MKNK1: variants seen among roughly 807,000 people sequenced by gnomAD.
MKNK1 encodes MAPK interacting serine/threonine kinase 1, also known as MAP kinase-interacting serine/threonine-protein kinase 1.
MKNK1 carries 30 observed loss-of-function variants against 49.3 expected under a neutral mutation model. The observed-to-expected ratio is 0.61, with a 90% CI of 0.46 to 0.83. MKNK1 has a LOEUF of 0.83. MKNK1 is among the 40% of genes least tolerant of loss of function. The pLI is 0.00. For missense variants in MKNK1, 423 were observed against 524.7 expected, an observed-to-expected ratio of 0.81 and a Z score of 1.89; for synonymous variants, 176 against 201.7, an observed-to-expected ratio of 0.87 and a Z score of 1.08.
chr1:46,574,669 C>A (rs1038944721), intron 6 of MKNK1: 26 of 360,638 alleles, frequency 7.2e-5, no homozygotes, highest in South Asian at 1.1e-4. Context: ...CATGTCAAAA[C>A]GGGATTGATA....
intron 1 of MKNK1, among the ~76,000 whole-genome samples, chr1:46,596,965 C>T (rs1196369056): frequency 6.6e-6 from 1 of 152,186 alleles, no homozygotes; most frequent in Non-Finnish European, 1.5e-5. Context: ...CTTCTGGCAC[C>T]ATTTAAAATT....
intron 4 of MKNK1, among the ~76,000 whole-genome samples, chr1:46,579,313 T>C (rs1671427758): frequency 1.3e-5 from 2 of 152,220 alleles, no homozygotes; most frequent in African/African-American, 4.8e-5. Context: ...TTTGACCTGG[T>C]GGCTCAGGTG....
intron 5 of MKNK1, 138 bp downstream of exon 5, chr1:46,576,437 A>G (rs1670968642): frequency 3.0e-6 from 2 of 672,412 alleles, no homozygotes; most frequent in South Asian, 1.7e-5. Context: ...TAACACTGAA[A>G]GGGGCGGAAG....
At chr1:46,594,589 T>G (rs767160351) in intron 1 of MKNK1, among the ~76,000 whole-genome samples, 3 of 152,174 alleles carry the variant, frequency 2.0e-5, no homozygotes, top group African/African-American at 7.2e-5. Flanking sequence ...AAGGTCTGAG[T>G]GAAATTTTTC....
Position 46,589,996 on chromosome 1 carries a change from CCT to C in MKNK1, c.-3+4115_-3+4116del, listed in dbSNP as rs79070160. 0.043 allele frequency among the ~76,000 whole-genome samples: 6,595 copies of C among 152,182 alleles called. 187 individuals are homozygous for C. Among genetic ancestry groups the C allele is most frequent in the African/African-American group, 0.086 (3,556 of 41,498 alleles). On this transcript the variant is annotated intron_variant, in intron 2 of 12. Coordinates refer to ENST00000371945, the MANE Select transcript of MKNK1 (RefSeq NM_001135553.4). The surrounding 1 kb of genome is among the most constrained non-coding windows in gnomAD (Gnocchi z 4.3). ...CAGCTCTGCAAACTTAGCTCACACT[CCT>C]CTCCCAACCACTTCAGAATTCTTTT...
At chr1:46,561,350 T>G in intron 11 of MKNK1, 128 bp downstream of exon 11, 1 of 1,044,586 alleles carries the variant, frequency 9.6e-7, no homozygotes, top group Non-Finnish European at 1.3e-6. Context: ...CACTCAGGGA[T>G]AGACGCTGTC....
rs765358154 is a variant in MKNK1, at chr1:46,583,328, C to A, written c.-1G>T. The A allele has an allele frequency of 6.2e-7, 1 of 1,611,786 alleles. No individual in the cohort carries two copies. The highest frequency in any genetic ancestry group is 8.5e-7 in the Non-Finnish European group (1 of 1,178,390). On this transcript the variant is annotated splice_region_variant and 5_prime_UTR_variant, in exon 3 of 13. Coordinates refer to ENST00000371945, the MANE Select transcript of MKNK1 (RefSeq NM_001135553.4). ...TGGGAAGGGGTTCGCTACTGCCCAT[C>A]TCTAGGAGATAAGAGGAGATGTAAG...
chr1:46,583,574 C>T (rs138518471), intron 2 of MKNK1, among the ~76,000 whole-genome samples: 108 of 152,314 alleles, frequency 7.1e-4, no homozygotes, highest in African/African-American at 2.4e-3. Context: ...AAGAGGCCAG[C>T]GGAAGCCTGC....
At chr1:46,578,502 T>G (rs1206919254) in intron 4 of MKNK1, among the ~76,000 whole-genome samples, 1 of 152,104 alleles carries the variant, frequency 6.6e-6, no homozygotes, top group African/African-American at 2.4e-5. Flanking sequence ...CTTGAAGAAA[T>G]ATACCTCTCA....
chr1:46,560,406 T>C, intron 11 of MKNK1, 129 bp from the exon 12 acceptor site: 5 of 983,616 alleles, frequency 5.1e-6, no homozygotes, highest in Admixed American at 2.0e-5. Flanking sequence ...CTATGCTTGC[T>C]TGCAGGGTCA....
At chr1:46,575,378 G>A (rs1045071656) in intron 5 of MKNK1, 20 of 181,532 alleles carry the variant, frequency 1.1e-4, no homozygotes, top group South Asian at 2.7e-4. Flanking sequence ...CTGAATACTA[G>A]GTGTGTGTCC....
chr1:46,577,070 G>A (rs913637751), intron 4 of MKNK1, among the ~76,000 whole-genome samples: 1 of 152,212 alleles, frequency 6.6e-6, no homozygotes, highest in Non-Finnish European at 1.5e-5. Flanking sequence ...GCAGGACACC[G>A]TGGCGAGGAG....
At chr1:46,588,429 G>T (rs960419659) in intron 2 of MKNK1, among the ~76,000 whole-genome samples, 2 of 152,214 alleles carry the variant, frequency 1.3e-5, no homozygotes, top group Admixed American at 6.5e-5. Context: ...AGTGATGAAA[G>T]AAACATTTTA....
At chr1:46,562,148 C>CA (rs764981451) in intron 10 of MKNK1, among the ~76,000 whole-genome samples, 1 of 152,118 alleles carries the variant, frequency 6.6e-6, no homozygotes, top group Non-Finnish European at 1.5e-5. Flanking sequence ...GTAATCCCAG[C>CA]ACTTTGGGAG....
intron 4 of MKNK1, among the ~76,000 whole-genome samples, chr1:46,579,854 G>C (rs1271006211): frequency 6.6e-6 from 1 of 151,870 alleles, no homozygotes; most frequent in Non-Finnish European, 1.5e-5. Context: ...CCAAAACTGA[G>C]TGCTCAGTCG....
At chr1:46,601,091 AT>A (rs1296998830) in intron 1 of MKNK1, among the ~76,000 whole-genome samples, 1 of 152,088 alleles carries the variant, frequency 6.6e-6, no homozygotes, top group African/African-American at 2.4e-5. Flanking sequence ...TAATTTTTGT[AT>A]TTTTAGTAGA....
intron 1 of MKNK1, among the ~76,000 whole-genome samples, chr1:46,602,108 A>G (rs1674805096): frequency 6.6e-6 from 1 of 152,050 alleles, no homozygotes. Flanking sequence ...ACATGCAGGG[A>G]GTGTTTGAGA....
At chr1:46,565,234 A>G (rs1413492806) in intron 8 of MKNK1, 98 bp from the exon 9 acceptor site, 1 of 1,087,306 alleles carries the variant, frequency 9.2e-7, no homozygotes, top group East Asian at 2.4e-5. Flanking sequence ...CGTGGCTGTC[A>G]CACCGCAGCT....
rs370697866 is a variant in MKNK1 at position 46,594,022 on chromosome 1, G to A, written c.-3+91C>T. The A allele has an allele frequency of 1.0e-3, 1,019 of 992,230 alleles. 13 individuals carry two copies. In the South Asian group the frequency reaches 0.011, roughly 11 times the overall value. The allele number at this position is 992,230 out of a possible 1,614,324, so 61.5% of individuals were successfully genotyped here. Reference sequence around the variant, plus strand: ...TAACTAACTAAGTGCTGAAAACCACGGTCTCTTACCCGCCCTTTCCTCTGG... The same window carrying A: ...TAACTAACTAAGTGCTGAAAACCACAGTCTCTTACCCGCCCTTTCCTCTGG... On this transcript the variant is annotated intron_variant, in intron 2 of 12. Transcript: ENST00000371945.
Sources: allele counts gnomAD v4.1 joint callset (sites outside exome capture counted in the v4.1 genomes callset), GRCh38; gene constraint gnomAD v4.1.1; non-coding constraint Gnocchi (gnomAD v3.1); transcripts MANE v1.5; gene names NCBI Gene and HGNC (gene_info 2026-07-23, HGNC 2026-07-21).